FBXL5: variants seen among roughly 807,000 people sequenced by gnomAD.
The protein encoded by FBXL5 is F-box and leucine rich repeat protein 5.
A neutral mutation model predicts 78.3 loss-of-function variants in FBXL5; 26 were observed. The ratio of observed to expected loss-of-function variants is 0.33; its 90% confidence interval spans 0.24 to 0.46. The LOEUF (loss-of-function observed/expected upper bound fraction) is 0.46, where lower values mean the gene tolerates loss of function less well. Ranked by LOEUF, FBXL5 falls within the 20% of genes least tolerant of loss-of-function variation. The probability of loss-of-function intolerance (pLI) is 1.00; values close to 1 mark genes in which losing one functional copy is unlikely to be tolerated. For missense variants in FBXL5, 710 were observed against 829.2 expected (o/e 0.86, Z 1.77); for synonymous variants, 295 against 282.5 (o/e 1.04, Z -0.45).
intron 7 of FBXL5, among the ~76,000 whole-genome samples, 174 bp from the exon 8 acceptor site, chr4:15,627,129 C>CTTTTTTTTTTTTTTT (rs1491071832): frequency 1.2e-5 from 1 of 85,660 alleles, no homozygotes. Context: ...CCCTGAGAAT[C>CTTTTTTTTTTTTTTT]TCTTTTTTTT....
intron 1 of FBXL5, 117 bp from the exon 2 acceptor site, chr4:15,644,825 T>C: frequency 1.5e-6 from 1 of 671,634 alleles, no homozygotes; most frequent in South Asian, 2.1e-5. Flanking sequence ...TTACACTTGG[T>C]TAAAGTACAA....
chr4:15,649,992 A>G (rs766690339), intron 1 of FBXL5, among the ~76,000 whole-genome samples: 2 of 152,200 alleles, frequency 1.3e-5, no homozygotes, highest in Non-Finnish European at 2.9e-5. Flanking sequence ...TTTCAGATAC[A>G]AGAGAGTAAA....
intron 1 of FBXL5, among the ~76,000 whole-genome samples, chr4:15,674,648 T>G (rs1185889497): frequency 6.6e-6 from 1 of 151,642 alleles, no homozygotes; most frequent in Non-Finnish European, 1.5e-5. Context: ...GTTATGGGAT[T>G]TTTGGGTTTT....
chr4:15,616,587 T>A (rs531094916), intron 9 of FBXL5, among the ~76,000 whole-genome samples: 2 of 152,354 alleles, frequency 1.3e-5, no homozygotes, highest in South Asian at 4.1e-4. Context: ...TCCCATTCAA[T>A]TGAAACTGTT....
intron 9 of FBXL5, among the ~76,000 whole-genome samples, chr4:15,615,448 G>C (rs1205526058): frequency 1.2e-5 from 1 of 80,240 alleles, no homozygotes; most frequent in East Asian, 4.1e-4. Flanking sequence ...TCAGCACCCT[G>C]TGTTTAGCTC....
Position 15,644,647 on chromosome 4 carries a change from G to C in FBXL5, c.146C>G (p.Ala49Gly). ...ATGCATTTTGAACTCCTTGAAAGTA[G>C]CATACAAAGACTGCAGAAGAGCACG... is the stretch of plus-strand genomic sequence containing the variant. The part of the protein sequence containing the change: ...DFRALLQSLY[A>G]TFKEFKMHEQ... Residue 49 changes from alanine (A) to glycine (G), a missense_variant, in exon 2 of 11, where the codon GCT becomes GGT. Physicochemically the swap from Ala to Gly is moderately conservative, Grantham distance 60. Coordinates refer to ENST00000341285, the MANE Select transcript of FBXL5 (RefSeq NM_012161.4). The C allele has an allele frequency of 6.2e-7, 1 of 1,614,052 alleles. No homozygotes were observed.
chr4:15,635,761 G>GAAAA (rs71649918), intron 5 of FBXL5, among the ~76,000 whole-genome samples: 4 of 120,624 alleles, frequency 3.3e-5, no homozygotes, highest in Non-Finnish European at 3.4e-5. Flanking sequence ...CTCAAAAAAA[G>GAAAA]AAAAAAAAAA....
chr4:15,651,426 G>A (rs1350693689), intron 1 of FBXL5, among the ~76,000 whole-genome samples: 1 of 152,170 alleles, frequency 6.6e-6, no homozygotes, highest in Non-Finnish European at 1.5e-5. Context: ...TTTGGCTTAA[G>A]TAGTTCGTGA....
intron 2 of FBXL5, among the ~76,000 whole-genome samples, chr4:15,642,900 T>G (rs1488691685): frequency 6.6e-6 from 1 of 152,214 alleles, no homozygotes; most frequent in Non-Finnish European, 1.5e-5. Context: ...GGCTGAATCC[T>G]CATTTTTATT....
intron 9 of FBXL5, among the ~76,000 whole-genome samples, chr4:15,621,366 A>C (rs187778327): frequency 1.3e-5 from 2 of 152,346 alleles, no homozygotes; most frequent in Admixed American, 1.3e-4. Flanking sequence ...TAGCATCAAA[A>C]TGTGTAATAT....
intron 1 of FBXL5, among the ~76,000 whole-genome samples, chr4:15,674,606 A>G (rs1328581462): frequency 2.0e-5 from 3 of 151,270 alleles, no homozygotes; most frequent in Non-Finnish European, 4.4e-5. Context: ...CTCCTTATCA[A>G]CTCATTTCTA....
intron 1 of FBXL5, among the ~76,000 whole-genome samples, chr4:15,677,175 A>G (rs917990201): frequency 6.6e-6 from 1 of 152,180 alleles, no homozygotes; most frequent in African/African-American, 2.4e-5. Flanking sequence ...TTCACAAAGG[A>G]ACACAAGAGG....
chr4:15,643,150 C>A (rs1715061864), intron 2 of FBXL5, among the ~76,000 whole-genome samples: 3 of 152,012 alleles, frequency 2.0e-5, no homozygotes, highest in African/African-American at 7.2e-5. Flanking sequence ...TATCTAGTAC[C>A]CTACCCCAAC....
rs199900833 is a variant in FBXL5 at position 15,674,654 on chromosome 4, GT to G, written c.-284+6728del. ...ATTATCAACGTTATGGGATTTTTGGGTTTTTTTTTTTTTGAGACAGAGTCTC... is the reference window on the plus strand; with the variant it reads ...ATTATCAACGTTATGGGATTTTTGGGTTTTTTTTTTTTGAGACAGAGTCTC... On this transcript the variant is annotated intron_variant, in intron 1 of 4. Coordinates refer to the FBXL5 transcript ENST00000507899. 7.7e-3 allele frequency among the ~76,000 whole-genome samples: 1,094 copies of G among 141,952 alleles called. 33 individuals are homozygous for G. The East Asian group carries it at 0.13, about 17-fold the overall frequency. 93.1% of individuals were successfully genotyped at this position (141,952 alleles called of 152,430 possible).
intron 9 of FBXL5, among the ~76,000 whole-genome samples, chr4:15,618,578 C>T (rs975815852): frequency 2.0e-5 from 3 of 152,186 alleles, no homozygotes; most frequent in African/African-American, 7.2e-5. Context: ...CAGTGGCTCA[C>T]GCCTGCAATT....
intron 1 of FBXL5, among the ~76,000 whole-genome samples, chr4:15,670,740 A>G (rs977323839): frequency 6.6e-6 from 1 of 151,612 alleles, no homozygotes; most frequent in African/African-American, 2.4e-5. Context: ...GCCTGCAGGC[A>G]GTAAAATAGC....
At chr4:15,605,825 A>T in intron 10 of FBXL5, 26 bp from the exon 11 acceptor site, 2 of 1,576,308 alleles carry the variant, frequency 1.3e-6, no homozygotes, top group Non-Finnish European at 1.7e-6. Flanking sequence ...AAAATGTGAA[A>T]GGAGGAATTT....
chr4:15,613,041 T>C (rs1179299674), intron 9 of FBXL5, among the ~76,000 whole-genome samples: 1 of 152,202 alleles, frequency 6.6e-6, no homozygotes, highest in Non-Finnish European at 1.5e-5. Flanking sequence ...ACACATAGTA[T>C]AACATGCATA....
At chr4:15,616,801 A>G (rs1433827295) in intron 9 of FBXL5, among the ~76,000 whole-genome samples, 1 of 152,126 alleles carries the variant, frequency 6.6e-6, no homozygotes, top group Non-Finnish European at 1.5e-5. Context: ...GGTAAGCTCA[A>G]ATCCTTCTCC....
Sources: gnomAD v4.1 joint callset for allele counts (sites outside exome capture counted in the v4.1 genomes callset) on GRCh38, gnomAD v4.1.1 for gene constraint, MANE v1.5 for transcripts, NCBI Gene and HGNC (gene_info 2026-07-23, HGNC 2026-07-21) for gene names.